MIA3: variants seen among roughly 807,000 people sequenced by gnomAD.
The protein encoded by MIA3 is MIA SH3 domain ER export factor 3.
A neutral mutation model predicts 192.4 loss-of-function variants in MIA3; 90 were observed. The observed-to-expected ratio is 0.47, with a 90% CI of 0.39 to 0.56. The LOEUF (loss-of-function observed/expected upper bound fraction) is 0.56. Among genes scored for constraint, MIA3 ranks in the 20% least tolerant of loss-of-function variants. MIA3 has a pLI of 0.00. For synonymous variants in MIA3, 740 were observed against 792.8 expected, an observed-to-expected ratio of 0.93 and a Z score of 1.12; for missense variants, 2,123 against 2,269.4, an observed-to-expected ratio of 0.94 and a Z score of 1.31.
chr1:222,618,310 G>A, intron 1 of MIA3, 67 bp downstream of exon 1: 2 of 1,271,556 alleles, frequency 1.6e-6, no homozygotes, highest in South Asian at 2.3e-5. Flanking sequence ...GGCCCCGGGG[G>A]TCTCCGCGGC....
In MIA3 at chr1:222,660,206, C is replaced by T. The variant is rs1265317018; in HGVS notation, c.5005C>T (p.Pro1669Ser). The T allele has an allele frequency of 1.2e-6, 2 of 1,613,824 alleles. No individual in the cohort carries two copies. The highest frequency in any genetic ancestry group is 1.7e-6 in the Non-Finnish European group (2 of 1,179,934). ...TCTGAGCCAGAATGGCTCTTTTGGC[C>T]CATCCCCTGTGAGTGGTGGAGAATG... The part of the protein sequence containing the change: ...GPLSQNGSFG[P>S]SPVSGGECSP... Residue 1669 changes from proline (P) to serine (S), a missense_variant, in exon 24 of 28, where the codon CCA becomes TCA. Around this residue, in one of 3 missense-constraint regions of MIA3, gnomAD observed 762 missense variants for 856.4 expected, o/e 0.89. Coordinates refer to ENST00000344922, the MANE Select transcript of MIA3 (RefSeq NM_198551.4).
At chr1:222,651,172 C>A (rs1663411637) in intron 11 of MIA3, among the ~76,000 whole-genome samples, 1 of 151,600 alleles carries the variant, frequency 6.6e-6, no homozygotes, top group Admixed American at 6.6e-5. Flanking sequence ...ACTAAGAAAC[C>A]CAGTTGAACA....
intron 7 of MIA3, among the ~76,000 whole-genome samples, chr1:222,648,624 C>T (rs565961313): frequency 6.6e-6 from 1 of 152,302 alleles, no homozygotes; most frequent in South Asian, 2.1e-4. Context: ...AGTGCTTTAT[C>T]TGTCAGACCA....
chr1:222,618,993 C>A (rs1305555601), intron 1 of MIA3, among the ~76,000 whole-genome samples: 1 of 152,110 alleles, frequency 6.6e-6, no homozygotes, highest in African/African-American at 2.4e-5. Flanking sequence ...GCAGGAAGAC[C>A]AAAATCTTTC....
chr1:222,621,151 ATAT>A lies in MIA3; in HGVS notation c.134-7_134-5del, dbSNP rs765338189. ...CTGGCTATTTTTTTTCTCTCTCTTT[ATAT>A]ACAGTGTTAATGTACCGCGGTGAGG... On this transcript the variant is annotated splice_region_variant and splice_polypyrimidine_tract_variant and intron_variant, in intron 1 of 27. Transcript: ENST00000344922. 1 of 1,596,644 alleles carries A rather than the reference ATAT, an allele frequency of 6.3e-7. No individual in the cohort carries two copies. Among genetic ancestry groups the A allele is most frequent in the South Asian group, 1.1e-5 (1 of 87,768 alleles).
At chr1:222,664,339 A>G (rs1664173031) in intron 27 of MIA3, among the ~76,000 whole-genome samples, 191 bp downstream of exon 27, 1 of 152,240 alleles carries the variant, frequency 6.6e-6, no homozygotes, top group African/African-American at 2.4e-5. Flanking sequence ...TAGATGGGCA[A>G]TAGTTGTCTC....
intron 6 of MIA3, chr1:222,641,651 G>T: frequency 1.9e-6 from 1 of 536,280 alleles, no homozygotes. Flanking sequence ...AGCTTCTCAG[G>T]GACATATATT....
chr1:222,657,832 G>A (rs932897368), intron 18 of MIA3, among the ~76,000 whole-genome samples: 2 of 152,174 alleles, frequency 1.3e-5, no homozygotes, highest in African/African-American at 4.8e-5. Flanking sequence ...TATTGAATGA[G>A]CAGTTGTAAA....
At chr1:222,619,487 T>C (rs1253439998) in intron 1 of MIA3, among the ~76,000 whole-genome samples, 1 of 152,250 alleles carries the variant, frequency 6.6e-6, no homozygotes, top group Non-Finnish European at 1.5e-5. Context: ...AGATCTCTAA[T>C]GAGTGTGAAG....
rs1353236495 is a variant in MIA3, at chr1:222,621,043, G to A, written c.134-116G>A. 1.1e-5 allele frequency: 9 copies of A among 829,284 alleles called. No individual in the cohort carries two copies. The East Asian group carries it at 2.4e-4, about 22-fold the overall frequency. 51.4% of individuals were successfully genotyped at this position (829,284 alleles called of 1,614,324 possible). ...TATGAAAGAAATTCCAGAGAGTACT[G>A]GAAAAACTTGGTTGTTGTTTATAGT... On this transcript the variant is annotated intron_variant, in intron 1 of 27. Transcript: ENST00000344922.
chr1:222,622,591 G>C (rs557176447), intron 2 of MIA3, among the ~76,000 whole-genome samples: 1 of 152,298 alleles, frequency 6.6e-6, no homozygotes, highest in South Asian at 2.1e-4. Context: ...CCTATTTAGA[G>C]AGCATCCCAA....
At chr1:222,647,778 G>GAA (rs1438319624) in intron 7 of MIA3, among the ~76,000 whole-genome samples, 1 of 152,122 alleles carries the variant, frequency 6.6e-6, no homozygotes, top group Non-Finnish European at 1.5e-5. Flanking sequence ...TAGTTTGGGT[G>GAA]AAATGGAGCA....
chr1:222,664,117 T>A lies in MIA3; in HGVS notation c.5382T>A (p.Pro1794=). The change falls in exon 27 of 28, where the codon CCT becomes CCA. Residue 1794 remains proline, a synonymous_variant. Transcript: ENST00000344922. ...RYGPPPQLCG[P]FGPRPLPPPF... is the part of the protein sequence containing the mutation. ...GACCACCACCTCAGCTCTGCGGACC[T>A]TTTGGGCCTCGGCCACTTCCTCCAC... The A allele has an allele frequency of 6.2e-7, 1 of 1,614,112 alleles. No individual in the cohort carries two copies. Among genetic ancestry groups the A allele is most frequent in the Non-Finnish European group, 8.5e-7 (1 of 1,179,950 alleles).
chr1:222,635,464 G>A (rs946486255), intron 6 of MIA3, among the ~76,000 whole-genome samples: 1 of 152,158 alleles, frequency 6.6e-6, no homozygotes, highest in African/African-American at 2.4e-5. Context: ...TGTCAAAAGA[G>A]CATTTTGATG....
At chr1:222,634,869 A>G (rs78054524) in intron 6 of MIA3, among the ~76,000 whole-genome samples, 3,936 of 152,324 alleles carry the variant, frequency 0.026, 82 homozygotes, top group Middle Eastern at 0.048. Flanking sequence ...GCAAATTACT[A>G]AACTTTGAAC....
chr1:222,626,417 T>C (rs1234923595), intron 3 of MIA3, among the ~76,000 whole-genome samples: 2 of 152,152 alleles, frequency 1.3e-5, no homozygotes, highest in Non-Finnish European at 2.9e-5. Context: ...GGCTCAGAAG[T>C]GTGCATGATG....
At position 222,662,052 on chromosome 1, in the gene MIA3, C is replaced by T. The variant is rs1261261540; in HGVS notation, c.5114-4C>T. The T allele has an allele frequency of 3.1e-6, 5 of 1,612,082 alleles. No homozygotes were observed. The highest frequency in any genetic ancestry group is 4.2e-6 in the Non-Finnish European group (5 of 1,178,738). On this transcript the variant is annotated splice_polypyrimidine_tract_variant and splice_region_variant and intron_variant, in intron 24 of 27. Transcript: ENST00000344922. ...TATAAGGACTCTGTTATTTCTTTCT[C>T]AAGGATCAGTGGACGGGCCTCTACC...
In MIA3 at chr1:222,660,306, G is replaced by A. The variant is rs1663946528; in HGVS notation, c.5105G>A (p.Ser1702Asn). The change falls in exon 24 of 28, where the codon AGT becomes AAT. Residue 1702 changes from serine (S) to asparagine (N), a missense_variant. Ser to Asn is a conservative substitution (Grantham distance 46, BLOSUM62 1). Transcript: ENST00000344922. The stretch of plus-strand genomic sequence containing the variant: ...CTCAATCGAAGAGATATGCCTAGAA[G>A]TGAATTTGGTGAGCATTCACATGTT... ...ATLNRRDMPR[S>N]EFGSVDGPLP... is the part of the protein sequence containing the mutation. 6.2e-7 allele frequency: 1 copy of A among 1,608,344 alleles called. No individual in the cohort carries two copies. Among genetic ancestry groups the A allele is most frequent in the African/African-American group, 1.3e-5 (1 of 74,582 alleles).
intron 6 of MIA3, among the ~76,000 whole-genome samples, chr1:222,637,266 C>T (rs540653278): frequency 1.3e-5 from 2 of 152,206 alleles, no homozygotes; most frequent in Non-Finnish European, 2.9e-5. Flanking sequence ...TTTATATTTC[C>T]TGGGAATTGA....
Sources: allele counts gnomAD v4.1 joint callset (sites outside exome capture counted in the v4.1 genomes callset), GRCh38; gene constraint gnomAD v4.1.1; regional missense constraint gnomAD v4.1.1; transcripts MANE v1.5; gene names NCBI Gene and HGNC (gene_info 2026-07-23, HGNC 2026-07-21).